RBMS3: variants seen among roughly 807,000 people sequenced by gnomAD.
RBMS3 encodes RNA binding motif single stranded interacting protein 3, also known as RNA-binding motif, single-stranded-interacting protein 3.
In RBMS3, 27 loss-of-function variants were observed where a neutral mutation model predicts 66.8. The observed-to-expected ratio is 0.40, with a 90% CI of 0.30 to 0.56. The LOEUF is 0.56. RBMS3 is among the 20% of genes least tolerant of loss of function. The pLI, the probability that RBMS3 is intolerant of heterozygous loss-of-function variation, is 0.40. For missense variants in RBMS3, 513 were observed against 549.5 expected, an observed-to-expected ratio of 0.93 and a Z score of 0.66; for synonymous variants, 188 against 183.0, an observed-to-expected ratio of 1.03 and a Z score of -0.22.
intron 4 of RBMS3, among the ~76,000 whole-genome samples, chr3:29,636,984 C>T (rs914056860): frequency 6.6e-6 from 1 of 151,842 alleles, no homozygotes; most frequent in Non-Finnish European, 1.5e-5. Flanking sequence ...TGAAATGTAA[C>T]TGTTTCTAAT....
intron 4 of RBMS3, chr3:29,697,162 G>A: frequency 1.1e-6 from 1 of 940,636 alleles, no homozygotes; most frequent in South Asian, 4.9e-5. Context: ...ATCTAAGTTT[G>A]GGAAAATTTT....
intron 6 of RBMS3, among the ~76,000 whole-genome samples, chr3:29,841,978 T>C (rs971504856): frequency 1.3e-5 from 2 of 152,066 alleles, no homozygotes; most frequent in African/African-American, 4.8e-5. Context: ...AGCCACTTAG[T>C]GTCTTTTCTT....
rs572006485 is a variant in RBMS3, at chr3:29,854,609, T to C, written c.638-14249T>C. The stretch of plus-strand genomic sequence containing the variant: ...CGTAGAGAAAGGAAGGTTGACTTGA[T>C]TGTTAGCTAACTTTCTTCGAGATAA... On this transcript the variant is annotated intron_variant, in intron 6 of 14. Coordinates refer to ENST00000383767, the MANE Select transcript of RBMS3 (RefSeq NM_001003793.3). Among the ~76,000 whole-genome samples, 8 of 152,312 alleles carry C rather than the reference T, an allele frequency of 5.3e-5. No homozygotes were observed. The South Asian group carries it at 1.7e-3, about 32-fold the overall frequency.
At chr3:29,629,261 G>A (rs1382647080) in intron 4 of RBMS3, among the ~76,000 whole-genome samples, 2 of 152,132 alleles carry the variant, frequency 1.3e-5, no homozygotes, top group Non-Finnish European at 2.9e-5. Context: ...GCCAGATGGA[G>A]CTAAAATCAC....
At chr3:29,661,616 G>A (rs1471962844) in intron 4 of RBMS3, among the ~76,000 whole-genome samples, 6 of 151,980 alleles carry the variant, frequency 3.9e-5, no homozygotes, top group African/African-American at 1.5e-4. Flanking sequence ...GTATGTCATT[G>A]TTGGGAGTGC....
At chr3:29,523,174 G>A (rs773625) in intron 3 of RBMS3, among the ~76,000 whole-genome samples, 54,795 of 151,986 alleles carry the variant, frequency 0.36, 10,349 homozygotes, top group Middle Eastern at 0.47. Flanking sequence ...CTTCAGCGTC[G>A]ATTCTCCTAA....
chr3:29,843,755 C>T (rs1051941711), intron 6 of RBMS3, among the ~76,000 whole-genome samples: 1 of 152,028 alleles, frequency 6.6e-6, no homozygotes, highest in Admixed American at 6.6e-5. Context: ...AGGGGACCAG[C>T]CTGGGCAACA....
intron 6 of RBMS3, among the ~76,000 whole-genome samples, chr3:29,825,097 G>A (rs2058174516): frequency 6.7e-6 from 1 of 149,476 alleles, no homozygotes; most frequent in South Asian, 2.1e-4. Flanking sequence ...GTGCAGTGGT[G>A]TGATCTCAGC....
intron 1 of RBMS3, among the ~76,000 whole-genome samples, chr3:29,427,572 T>A (rs899978042): frequency 1.1e-4 from 16 of 152,236 alleles, no homozygotes; most frequent in African/African-American, 3.9e-4. Flanking sequence ...ATTACATGTG[T>A]ACGTGCAAGC....
rs548868005 is a variant in RBMS3, at chr3:29,986,172, G to T, written c.1099-1971G>T. On this transcript the variant is annotated intron_variant, in intron 12 of 14. Transcript: ENST00000383767. Reference sequence around the variant, plus strand: ...AAACCTTGGAAACCCATGACCAAAGGGCAGAACATGAGCCACAAATCTATC... The same window carrying T: ...AAACCTTGGAAACCCATGACCAAAGTGCAGAACATGAGCCACAAATCTATC... 1.4e-4 allele frequency among the ~76,000 whole-genome samples: 22 copies of T among 152,052 alleles called. 1 individual carries two copies. The South Asian group carries it at 2.5e-3, about 17-fold the overall frequency.
At chr3:29,321,004 G>A (rs74428870) in intron 1 of RBMS3, among the ~76,000 whole-genome samples, 9,438 of 151,784 alleles carry the variant, frequency 0.062, 385 homozygotes, top group Non-Finnish European at 0.084. Context: ...AGCGAGTTTT[G>A]AGGAATACAT....
intron 4 of RBMS3, among the ~76,000 whole-genome samples, chr3:29,604,882 T>G (rs2048269100): frequency 6.6e-6 from 1 of 151,934 alleles, no homozygotes; most frequent in South Asian, 2.1e-4. Flanking sequence ...CCAGCATATC[T>G]TTTTAATGGG....
intron 6 of RBMS3, among the ~76,000 whole-genome samples, chr3:29,859,345 C>T (rs1312631407): frequency 6.6e-6 from 1 of 152,100 alleles, no homozygotes; most frequent in African/African-American, 2.4e-5. Flanking sequence ...TTGCCCCATT[C>T]CAAAATGATA....
In RBMS3 at chr3:29,691,949, A is replaced by ATTTTTTTTTTTTTTTTTT. The variant is rs1294126975; in HGVS notation, c.400-47770_400-47753dup. Reference sequence around the variant, plus strand: ...GTGACCCTTCTCTCTCTCTCTCTCTATTTTTTTTTTTTTTTTTTGAGATGG... The same window carrying ATTTTTTTTTTTTTTTTTT: ...GTGACCCTTCTCTCTCTCTCTCTCTATTTTTTTTTTTTTTTTTTTTTTTTTTTTTTTTTTTTGAGATGG... On this transcript the variant is annotated intron_variant, in intron 4 of 14. Coordinates refer to ENST00000383767, the MANE Select transcript of RBMS3 (RefSeq NM_001003793.3). Among the ~76,000 whole-genome samples, 205 of 64,962 alleles carry ATTTTTTTTTTTTTTTTTT rather than the reference A, an allele frequency of 3.2e-3. 42 individuals carry two copies. Among genetic ancestry groups the ATTTTTTTTTTTTTTTTTT allele is most frequent in the East Asian group, 4.4e-3 (10 of 2,256 alleles). The allele number at this position is 64,962 out of a possible 152,430, so 42.6% of individuals were successfully genotyped here. A position where few individuals can be genotyped will look rare whatever the true frequency, so the allele number is the denominator to read the frequency against.
intron 1 of RBMS3, among the ~76,000 whole-genome samples, chr3:29,374,881 T>A (rs1288015535): frequency 6.6e-6 from 1 of 152,246 alleles, no homozygotes; most frequent in Non-Finnish European, 1.5e-5. Flanking sequence ...GTCTGTATGA[T>A]GACAACTATA....
At chr3:29,922,946 T>C (rs2060832372) in intron 10 of RBMS3, among the ~76,000 whole-genome samples, 1 of 152,230 alleles carries the variant, frequency 6.6e-6, no homozygotes, top group Non-Finnish European at 1.5e-5. Flanking sequence ...AAATAAATGA[T>C]TGATGCATAC....
intron 6 of RBMS3, among the ~76,000 whole-genome samples, chr3:29,863,558 C>T (rs2059269753): frequency 1.3e-5 from 2 of 152,050 alleles, no homozygotes; most frequent in African/African-American, 4.8e-5. Flanking sequence ...TATCAATATT[C>T]ATAGCCTAAC....
intron 2 of RBMS3, among the ~76,000 whole-genome samples, chr3:29,471,105 A>AC (rs2042710550): frequency 1.3e-5 from 2 of 152,228 alleles, no homozygotes; most frequent in African/African-American, 4.8e-5. Context: ...TAATAAGATT[A>AC]CCACTGTGTG....
At chr3:29,382,741 A>C (rs192602878) in intron 1 of RBMS3, among the ~76,000 whole-genome samples, 314 of 152,244 alleles carry the variant, frequency 2.1e-3, no homozygotes, top group African/African-American at 7.1e-3. Context: ...TTTTTCGTTT[A>C]TATCCCCTTT....
Sources: allele counts gnomAD v4.1 joint callset (sites outside exome capture counted in the v4.1 genomes callset), GRCh38; gene constraint gnomAD v4.1.1; transcripts MANE v1.5; gene names NCBI Gene and HGNC (gene_info 2026-07-23, HGNC 2026-07-21).